NRG3: variants seen among roughly 807,000 people sequenced by gnomAD.
The protein encoded by NRG3 is pro-neuregulin-3, membrane-bound isoform.
In NRG3, 31 loss-of-function variants were observed where a neutral mutation model predicts 66.9. The observed-to-expected ratio is 0.46, with a 90% CI of 0.35 to 0.63. The LOEUF (loss-of-function observed/expected upper bound fraction) is 0.63. Ranked by LOEUF, NRG3 falls within the 20% of genes least tolerant of loss-of-function variation. NRG3 has a pLI of 0.00. For missense variants in NRG3, 910 were observed against 878.9 expected (o/e 1.04, Z -0.45); for synonymous variants, 393 against 359.4 (o/e 1.09, Z -1.06).
At chr10:82,436,121 A>G (rs2090124561) in intron 2 of NRG3, among the ~76,000 whole-genome samples, 2 of 152,088 alleles carry the variant, frequency 1.3e-5, no homozygotes, top group African/African-American at 4.8e-5. Flanking sequence ...TGATCCATCT[A>G]ATACTGACAT....
At chr10:82,092,430 T>C (rs557624240) in intron 1 of NRG3, among the ~76,000 whole-genome samples, 2 of 152,120 alleles carry the variant, frequency 1.3e-5, no homozygotes, top group South Asian at 4.1e-4. Context: ...TCCTCAACTT[T>C]CAAGCACCAT....
intron 3 of NRG3, among the ~76,000 whole-genome samples, chr10:82,830,932 A>T (rs2062487516): frequency 6.6e-6 from 1 of 152,194 alleles, no homozygotes; most frequent in Non-Finnish European, 1.5e-5. Context: ...CCCTGGGCTG[A>T]TACAGAACAT....
intron 3 of NRG3, among the ~76,000 whole-genome samples, chr10:82,806,393 GT>G (rs1373451846): frequency 6.6e-6 from 1 of 152,074 alleles, no homozygotes; most frequent in Non-Finnish European, 1.5e-5. Context: ...TTTCTACTTA[GT>G]TTTTGCTGTT....
intron 1 of NRG3, among the ~76,000 whole-genome samples, chr10:81,954,252 T>C (rs1196589407): frequency 6.6e-6 from 1 of 152,204 alleles, no homozygotes; most frequent in Non-Finnish European, 1.5e-5. Context: ...TATTTTTCTG[T>C]GCTGGAGCTG....
rs567652351 is a variant in NRG3 at position 81,935,099 on chromosome 10, T to G, written c.823+58936T>G. ...TTTGGAATTTGGTAAAGGAAAAGAT[T>G]CCCAGAGACTGCTATTGAAATTTCC... On this transcript the variant is annotated intron_variant, in intron 1 of 8. Transcript: ENST00000372141. Among the ~76,000 whole-genome samples, 14 of 152,360 alleles carry G rather than the reference T, an allele frequency of 9.2e-5. No individual in the cohort carries two copies. In the East Asian group the frequency reaches 2.7e-3, roughly 29 times the overall value.
chr10:82,831,436 G>T lies in NRG3; in HGVS notation c.1028-33975G>T, dbSNP rs943139710. On this transcript the variant is annotated intron_variant, in intron 3 of 8. Transcript: ENST00000372141. ...AAATAATATTAGAAGACATCTTAAT[G>T]TATATAGTATCTTATGGAACACAGT... is the stretch of plus-strand genomic sequence containing the variant. Among the ~76,000 whole-genome samples, 4 of 149,426 alleles carry T rather than the reference G, an allele frequency of 2.7e-5. No individual in the cohort carries two copies. The East Asian group carries it at 7.9e-4, about 29-fold the overall frequency.
chr10:81,905,540 A>G (rs1471734718), intron 1 of NRG3, among the ~76,000 whole-genome samples: 1 of 152,188 alleles, frequency 6.6e-6, no homozygotes, highest in Non-Finnish European at 1.5e-5. Flanking sequence ...TTATATAGCC[A>G]AAGCAGGAGA....
intron 1 of NRG3, among the ~76,000 whole-genome samples, chr10:82,098,313 TAG>T (rs2066499292): frequency 6.6e-6 from 1 of 150,926 alleles, no homozygotes; most frequent in African/African-American, 2.5e-5. Context: ...TATATAGATA[TAG>T]ATGTCATCTA....
At chr10:82,273,611 A>G (rs1361712308) in intron 1 of NRG3, among the ~76,000 whole-genome samples, 1 of 152,028 alleles carries the variant, frequency 6.6e-6, no homozygotes, top group African/African-American at 2.4e-5. Flanking sequence ...CATACAGTAT[A>G]TATAATATCC....
At chr10:82,613,842 C>G (rs1315295709) in intron 2 of NRG3, among the ~76,000 whole-genome samples, 1 of 109,152 alleles carries the variant, frequency 9.2e-6, no homozygotes, top group Non-Finnish European at 1.8e-5. Context: ...CCCCCCTCCC[C>G]CCACCCCACA....
At chr10:82,760,954 C>T (rs1012494472) in intron 3 of NRG3, among the ~76,000 whole-genome samples, 7 of 151,262 alleles carry the variant, frequency 4.6e-5, no homozygotes, top group African/African-American at 1.7e-4. Context: ...TGTTATATAA[C>T]GTAGACTCTC....
At chr10:82,888,606 A>G (rs1842906260) in intron 4 of NRG3, among the ~76,000 whole-genome samples, 1 of 152,118 alleles carries the variant, frequency 6.6e-6, no homozygotes, top group Non-Finnish European at 1.5e-5. Flanking sequence ...CTGTACGCCA[A>G]TCATTTTATA....
chr10:82,233,545 C>T (rs993949875), intron 1 of NRG3, among the ~76,000 whole-genome samples: 4 of 152,178 alleles, frequency 2.6e-5, no homozygotes, highest in African/African-American at 9.7e-5. Flanking sequence ...TTCTTTCTAT[C>T]ATGACTTTCA....
At chr10:82,083,986 G>A (rs375133162) in intron 1 of NRG3, among the ~76,000 whole-genome samples, 5 of 151,688 alleles carry the variant, frequency 3.3e-5, no homozygotes, top group African/African-American at 4.8e-5. Flanking sequence ...ACAGCACTTC[G>A]GGAGGCTGAG....
intron 1 of NRG3, among the ~76,000 whole-genome samples, chr10:82,179,769 A>G (rs1014191429): frequency 1.3e-5 from 2 of 151,770 alleles, no homozygotes; most frequent in Non-Finnish European, 1.5e-5. Flanking sequence ...TATTTCTGTA[A>G]AGATTGCCTT....
chr10:82,930,177 C>T lies in NRG3; in HGVS notation c.1055-21292C>T, dbSNP rs556067451. Among the ~76,000 whole-genome samples, 6 of 152,236 alleles carry T rather than the reference C, an allele frequency of 3.9e-5. No homozygotes were observed. In the South Asian group the frequency reaches 1.0e-3, roughly 26 times the overall value. ...AAAGAAAGAAGAGAGATGGGAGTGT[C>T]CTTTAGATGTCCTCAGTACTGTTGT... On this transcript the variant is annotated intron_variant, in intron 4 of 8. Coordinates refer to ENST00000372141, the MANE Select transcript of NRG3 (RefSeq NM_001010848.4).
At chr10:82,073,721 C>G (rs1345844762) in intron 1 of NRG3, among the ~76,000 whole-genome samples, 4 of 152,106 alleles carry the variant, frequency 2.6e-5, no homozygotes, top group African/African-American at 4.8e-5. Context: ...TTTACTATTA[C>G]TTAGAACGCT....
At chr10:82,847,572 A>G (rs1247900969) in intron 3 of NRG3, among the ~76,000 whole-genome samples, 1 of 152,342 alleles carries the variant, frequency 6.6e-6, no homozygotes, top group Non-Finnish European at 1.5e-5. Context: ...TTTTCCCACT[A>G]TATCACATTC....
At chr10:82,632,268 C>G (rs189868776) in intron 2 of NRG3, among the ~76,000 whole-genome samples, 2 of 152,070 alleles carry the variant, frequency 1.3e-5, no homozygotes, top group Non-Finnish European at 2.9e-5. Flanking sequence ...TTGGGCATAT[C>G]GTATACTCTG....
Sources: allele counts gnomAD v4.1 joint callset (sites outside exome capture counted in the v4.1 genomes callset), GRCh38; gene constraint gnomAD v4.1.1; transcripts MANE v1.5; gene names NCBI Gene and HGNC (gene_info 2026-07-23, HGNC 2026-07-21).